B3GNT6: variants seen among roughly 807,000 people sequenced by gnomAD.
B3GNT6 encodes the protein UDP-GlcNAc:betaGal beta-1,3-N-acetylglucosaminyltransferase 6.
For missense variants in B3GNT6, 624 were observed against 568.6 expected, an observed-to-expected ratio of 1.10 and a Z score of -0.99; for synonymous variants, 300 against 270.0, an observed-to-expected ratio of 1.11 and a Z score of -1.09.
Position 77,040,561 on chromosome 11 carries a change from C to T in B3GNT6, c.1010C>T (p.Pro337Leu), listed in dbSNP as rs781984195. 3.8e-6 allele frequency: 6 copies of T among 1,585,260 alleles called. No individual in the cohort carries two copies. Among genetic ancestry groups the T allele is most frequent in the African/African-American group, 1.3e-5 (1 of 74,500 alleles). Residue 337 changes from proline (P) to leucine (L), a missense_variant, in exon 2 of 2, where the codon CCT becomes CTT. By Grantham distance (98) the Pro-to-Leu change is moderately conservative. Transcript: ENST00000622824. ...ATCCGACCCTTCGGCGTGCAGCTGC[C>T]TGGCGCACAGCAGTCCTCCTTCGAC... ...EGIRPFGVQL[P>L]GAQQSSFDPC...
intron 1 of B3GNT6, among the ~76,000 whole-genome samples, chr11:77,035,453 A>G (rs1440865846): frequency 6.6e-6 from 1 of 152,260 alleles, no homozygotes; most frequent in Non-Finnish European, 1.5e-5. Context: ...CTCACAAACA[A>G]GGAACCTGAG....
At chr11:77,038,489 C>T (rs1189681225) in intron 1 of B3GNT6, among the ~76,000 whole-genome samples, 1 of 151,918 alleles carries the variant, frequency 6.6e-6, no homozygotes, top group Non-Finnish European at 1.5e-5. Context: ...AGTGGGAGGA[C>T]TGCTTGAGCC....
chr11:77,036,537 T>C (rs1349316091), intron 1 of B3GNT6, among the ~76,000 whole-genome samples: 1 of 152,242 alleles, frequency 6.6e-6, no homozygotes, highest in Admixed American at 6.5e-5. Context: ...CGAAAAGCAG[T>C]CTTTCAGCAA....
chr11:77,035,145 G>A (rs1032859048), intron 1 of B3GNT6, among the ~76,000 whole-genome samples: 2 of 152,184 alleles, frequency 1.3e-5, no homozygotes, highest in African/African-American at 4.8e-5. Context: ...TAGGCAGAGT[G>A]AATAGCATTG....
intron 1 of B3GNT6, among the ~76,000 whole-genome samples, chr11:77,036,090 G>A (rs1949630970): frequency 6.6e-6 from 1 of 152,020 alleles, no homozygotes; most frequent in Non-Finnish European, 1.5e-5. Context: ...AAGAAGCTGG[G>A]GCTCAAACTC....
At position 77,040,907 on chromosome 11, in the gene B3GNT6, G is replaced by A. The variant is rs1949682553; in HGVS notation, c.*201G>A. The A allele has an allele frequency of 3.6e-6, 3 of 829,258 alleles. No homozygotes were observed. The Admixed American group carries it at 1.1e-4, about 30-fold the overall frequency. 51.4% of individuals were successfully genotyped at this position (829,258 alleles called of 1,614,324 possible). On this transcript the variant is annotated 3_prime_UTR_variant, in exon 2 of 2. Coordinates refer to ENST00000622824, the MANE Select transcript of B3GNT6 (RefSeq NM_138706.5). ...CGAAGTTTCGATTTGATTAGTCTGG[G>A]GTGGACCCAGACATGTTAAGTATTT...
chr11:77,035,729 C>G (rs1449389274), intron 1 of B3GNT6, among the ~76,000 whole-genome samples: 2 of 152,236 alleles, frequency 1.3e-5, no homozygotes, highest in African/African-American at 2.4e-5. Context: ...AGTCAAAGCC[C>G]TCAGGCTGCA....
chr11:77,041,056 C>CCA lies in B3GNT6; in HGVS notation c.*354_*355dup. 1 of 264,838 alleles carries CCA rather than the reference C, an allele frequency of 3.8e-6. No individual in the cohort carries two copies. Among genetic ancestry groups the CCA allele is most frequent in the Non-Finnish European group, 7.0e-6 (1 of 141,940 alleles). The allele number at this position is 264,838 out of a possible 1,614,324, so 16.4% of individuals were successfully genotyped here. A position where few individuals can be genotyped will look rare whatever the true frequency, so the allele number is the denominator to read the frequency against. ...TGCAAGAATTCCGGGCCCCTCGCTC[C>CCA]CACACTCGGGTCCTCTTGAGCAGTG... is the stretch of plus-strand genomic sequence containing the variant. On this transcript the variant is annotated 3_prime_UTR_variant, in exon 2 of 2. Transcript: ENST00000622824.
intron 1 of B3GNT6, among the ~76,000 whole-genome samples, chr11:77,038,056 A>G (rs2135376259): frequency 1.6e-3 from 1 of 640 alleles, no homozygotes; most frequent in Non-Finnish European, 4.3e-3. Flanking sequence ...GAGGGGAATG[A>G]GTGGGAGGGG....
intron 1 of B3GNT6, among the ~76,000 whole-genome samples, chr11:77,037,590 C>T (rs1039846727): frequency 6.6e-6 from 1 of 151,898 alleles, no homozygotes; most frequent in Non-Finnish European, 1.5e-5. Context: ...TAAGTCAGAG[C>T]CCTAGAGGCC....
Position 77,039,515 on chromosome 11 carries a change from G to T in B3GNT6, c.1-37G>T. 3 of 1,529,430 alleles carry T rather than the reference G, an allele frequency of 2.0e-6. No homozygotes were observed. In the South Asian group the frequency reaches 3.9e-5, roughly 20 times the overall value. The allele number at this position is 1,529,430 out of a possible 1,614,324, so 94.7% of individuals were successfully genotyped here. ...GTGGTGTCCTGCCGGTGTCAAAGACGACTTCCGGCTCACCTCTGACTCGGT... is the reference window on the plus strand; with the variant it reads ...GTGGTGTCCTGCCGGTGTCAAAGACTACTTCCGGCTCACCTCTGACTCGGT... On this transcript the variant is annotated intron_variant, in intron 1 of 1. Coordinates refer to ENST00000622824, the MANE Select transcript of B3GNT6 (RefSeq NM_138706.5).
chr11:77,038,777 C>T (rs1195835898), intron 1 of B3GNT6, among the ~76,000 whole-genome samples: 3 of 151,766 alleles, frequency 2.0e-5, no homozygotes, highest in Non-Finnish European at 4.4e-5. Flanking sequence ...GCAAATAATA[C>T]CAGCAGGTAG....
Position 77,040,548 on chromosome 11 carries a change from G to C in B3GNT6, c.997G>C (p.Gly333Arg). The C allele has an allele frequency of 1.3e-6, 2 of 1,577,576 alleles. No homozygotes were observed. Among genetic ancestry groups the C allele is most frequent in the Non-Finnish European group, 1.7e-6 (2 of 1,169,362 alleles). The change falls in exon 2 of 2, where the codon GGC (glycine) becomes CGC (arginine). Residue 333 changes from glycine (G) to arginine (R), a missense_variant. By Grantham distance (125) the Gly-to-Arg change is moderately radical. Transcript: ENST00000622824. ...PSGHEGIRPF[G>R]VQLPGAQQSS... is the part of the protein sequence containing the mutation. ...CGGCCACGAGGGCATCCGACCCTTC[G>C]GCGTGCAGCTGCCTGGCGCACAGCA...
intron 1 of B3GNT6, among the ~76,000 whole-genome samples, chr11:77,039,183 G>A (rs1169486196): frequency 2.0e-5 from 3 of 152,198 alleles, no homozygotes; most frequent in African/African-American, 7.2e-5. Flanking sequence ...AGCTGAGAAG[G>A]ACAAGGAAGA....
At chr11:77,037,982 GGAAGAGGGAGGA>G in intron 1 of B3GNT6, among the ~76,000 whole-genome samples, 1 of 30,494 alleles carries the variant, frequency 3.3e-5, no homozygotes, top group African/African-American at 1.6e-4. Context: ...AAGGGGAGGG[GGAAGAGGGAGGA>G]GGAGGGGGAG....
At chr11:77,039,297 A>G (rs1412578822) in intron 1 of B3GNT6, among the ~76,000 whole-genome samples, 1 of 152,120 alleles carries the variant, frequency 6.6e-6, no homozygotes, top group Non-Finnish European at 1.5e-5. Flanking sequence ...CACTGGGCCT[A>G]TGTGACGGGT....
chr11:77,039,957 A>T lies in B3GNT6; in HGVS notation c.406A>T (p.Ile136Phe), dbSNP rs1555027513. The T allele has an allele frequency of 1.3e-6, 2 of 1,591,390 alleles. No homozygotes were observed. Among genetic ancestry groups the T allele is most frequent in the Non-Finnish European group, 8.5e-7 (1 of 1,176,416 alleles). The stretch of plus-strand genomic sequence containing the variant: ...TGAGCACTACGAGCGACGCGAGCTC[A>T]TCCGGCGCACGTGGGGGCAAGAGCG... Reference protein sequence around the residue: ...APEHYERRELIRRTWGQERSY... With the variant: ...APEHYERRELFRRTWGQERSY... The change falls in exon 2 of 2, where the codon ATC (isoleucine) becomes TTC (phenylalanine). Residue 136 changes from isoleucine to phenylalanine, a missense_variant. By Grantham distance (21) the Ile-to-Phe change is conservative. Coordinates refer to ENST00000622824, the MANE Select transcript of B3GNT6 (RefSeq NM_138706.5).
At position 77,039,873 on chromosome 11, in the gene B3GNT6, C is replaced by T; in HGVS notation, c.322C>T (p.Pro108Ser). 6.3e-7 allele frequency: 1 copy of T among 1,589,706 alleles called. No individual in the cohort carries two copies. The highest frequency in any genetic ancestry group is 8.5e-7 in the Non-Finnish European group (1 of 1,175,532). ...CCACTTCCCGCTGCTTTGGGACGCA[C>T]CGGCCAAGTGCGCCGGCGGCCGAGG... ...CRHFPLLWDA[P>S]AKCAGGRGVF... is the part of the protein sequence containing the mutation. The change falls in exon 2 of 2, where the codon CCG becomes TCG. Residue 108 changes from proline (P) to serine (S), a missense_variant. By Grantham distance (74) the Pro-to-Ser change is moderately conservative (BLOSUM62 -1). Transcript: ENST00000622824.
Position 77,040,258 on chromosome 11 carries a change from T to G in B3GNT6, c.707T>G (p.Leu236Arg), listed in dbSNP as rs1555027665. ...CACACCGCCAACGTAGTCCGCTTCC[T>G]GCAGGCGCAGCCACCCGGCCGCCAC... is the stretch of plus-strand genomic sequence containing the variant. The part of the protein sequence containing the change: ...FVHTANVVRF[L>R]QAQPPGRHLF... Residue 236 changes from leucine to arginine, a missense_variant, in exon 2 of 2, where the codon CTG becomes CGG. Leu to Arg is a moderately radical substitution (Grantham distance 102, BLOSUM62 -2). Coordinates refer to ENST00000622824, the MANE Select transcript of B3GNT6 (RefSeq NM_138706.5). The G allele has an allele frequency of 1.3e-5, 20 of 1,597,708 alleles. No homozygotes were observed. Among genetic ancestry groups the G allele is most frequent in the Non-Finnish European group, 1.4e-5 (17 of 1,179,092 alleles).
Sources: allele counts gnomAD v4.1 joint callset (sites outside exome capture counted in the v4.1 genomes callset), GRCh38; gene constraint gnomAD v4.1.1; transcripts MANE v1.5; gene names NCBI Gene and HGNC (gene_info 2026-07-23, HGNC 2026-07-21).